The following DPF2 variants were observed in gnomAD, a reference collection of about 807,000 sequenced individuals.
The protein encoded by DPF2 is zinc finger protein ubi-d4.
A neutral mutation model predicts 59.6 loss-of-function variants in DPF2; 10 were observed. The ratio of observed to expected loss-of-function variants is 0.17; its 90% CI spans 0.10 to 0.28. The LOEUF (loss-of-function observed/expected upper bound fraction) is 0.28, where lower values mean the gene tolerates loss of function less well. Ranked by LOEUF, DPF2 falls within the 10% of genes least tolerant of loss-of-function variation. The pLI is 1.00. For missense variants in DPF2, 315 were observed against 509.4 expected (o/e 0.62, Z 3.67); for synonymous variants, 189 against 190.6 (o/e 0.99, Z 0.07).
chr11:65,350,171 G>A (rs1854651427), intron 10 of DPF2, among the ~76,000 whole-genome samples: 1 of 152,110 alleles, frequency 6.6e-6, no homozygotes, highest in African/African-American at 2.4e-5. Context: ...GGGACATCGA[G>A]GTAGTGGAGA....
At chr11:65,339,450 A>T (rs1004682196) in intron 1 of DPF2, among the ~76,000 whole-genome samples, 1 of 152,180 alleles carries the variant, frequency 6.6e-6, no homozygotes, top group Non-Finnish European at 1.5e-5. Context: ...GAGTCTTTTG[A>T]GACCAAGAAG....
At chr11:65,345,562 G>A (rs1854503222) in intron 6 of DPF2, 104 bp from the exon 7 acceptor site, 5 of 1,506,644 alleles carry the variant, frequency 3.3e-6, no homozygotes, top group Non-Finnish European at 4.5e-6. Context: ...TAGGGGAAGG[G>A]ATGGTTGCCC....
chr11:65,337,488 TATATATATATATATATAG>T (rs1288472944), intron 1 of DPF2, among the ~76,000 whole-genome samples: 1 of 62,032 alleles, frequency 1.6e-5, no homozygotes, highest in South Asian at 6.2e-4. Flanking sequence ...TATATATATA[TATATATATATATATATAG>T]AGAGAGAGAG....
chr11:65,345,509 G>A, intron 6 of DPF2, 157 bp from the exon 7 acceptor site: 1 of 1,019,696 alleles, frequency 9.8e-7, no homozygotes. Flanking sequence ...CCTGGCTGAG[G>A]GGAAGTGGCC....
intron 1 of DPF2, among the ~76,000 whole-genome samples, chr11:65,338,280 G>C (rs1854265342): frequency 6.6e-6 from 1 of 152,120 alleles, no homozygotes; most frequent in African/African-American, 2.4e-5. Context: ...CTGTCATGCT[G>C]TCTTGTTCTC....
intron 10 of DPF2, among the ~76,000 whole-genome samples, chr11:65,349,285 T>C (rs1854624858): frequency 6.6e-6 from 1 of 152,184 alleles, no homozygotes; most frequent in Non-Finnish European, 1.5e-5. Flanking sequence ...ATTTGATAGA[T>C]TTGAGCATTT....
At chr11:65,348,744 CTGT>C in intron 9 of DPF2, 103 bp from the exon 10 acceptor site, 1 of 1,039,054 alleles carries the variant, frequency 9.6e-7, no homozygotes, top group Non-Finnish European at 1.5e-6. Context: ...ATTCTCACAT[CTGT>C]TCTTACCTGC....
In DPF2 at chr11:65,353,918, C is replaced by T. The variant is rs976378696; in HGVS notation, c.*2159C>T. 1.3e-5 allele frequency among the ~76,000 whole-genome samples: 2 copies of T among 152,028 alleles called. No individual in the cohort carries two copies. The highest frequency in any genetic ancestry group is 4.1e-4 in the South Asian group (2 of 4,832). On this transcript the variant is annotated 3_prime_UTR_variant, in exon 11 of 11. Coordinates refer to ENST00000528416, the MANE Select transcript of DPF2 (RefSeq NM_006268.5). ...GATGCGCTTTGGCAGCTGAGTAGTC[C>T]GAGAGCCAGAAAAGAAATGTGGAAA... is the stretch of plus-strand genomic sequence containing the variant.
intron 1 of DPF2, among the ~76,000 whole-genome samples, chr11:65,337,452 C>CAAAAAAAAA (rs750931920): frequency 7.4e-5 from 1 of 13,534 alleles, no homozygotes; most frequent in African/African-American, 2.9e-4. Flanking sequence ...GACTCTATCT[C>CAAAAAAAAA]AAAAAAAAAA....
intron 9 of DPF2, 65 bp from the exon 10 acceptor site, chr11:65,348,785 T>C: frequency 5.2e-6 from 8 of 1,537,638 alleles, no homozygotes; most frequent in Non-Finnish European, 7.2e-6. Context: ...AATAGCAGTG[T>C]CCTGTAGTGG....
chr11:65,344,649 G>A (rs1306294357), intron 6 of DPF2: 2 of 1,534,798 alleles, frequency 1.3e-6, no homozygotes, highest in African/African-American at 1.4e-5. Context: ...TCAGACTTGT[G>A]GTTTTCCTTT....
Position 65,351,909 on chromosome 11 carries a change from G to A in DPF2, c.*150G>A. 1 of 836,774 alleles carries A rather than the reference G, an allele frequency of 1.2e-6. No individual in the cohort carries two copies. The highest frequency in any genetic ancestry group is 1.9e-6 in the Non-Finnish European group (1 of 533,318). 51.8% of individuals were successfully genotyped at this position (836,774 alleles called of 1,614,324 possible). On this transcript the variant is annotated 3_prime_UTR_variant, in exon 11 of 11. Coordinates refer to ENST00000528416, the MANE Select transcript of DPF2 (RefSeq NM_006268.5). ...GCCAGCCTGCCTTTGGCAGCTGCAA[G>A]CTGAGGTGGCAGCTCTGACCACCTC...
chr11:65,339,675 C>G (rs1162765488), intron 1 of DPF2, among the ~76,000 whole-genome samples: 1 of 152,162 alleles, frequency 6.6e-6, no homozygotes, highest in Non-Finnish European at 1.5e-5. Flanking sequence ...AAGGAAGTGG[C>G]CTAGTCACCC....
chr11:65,343,860 G>C, intron 5 of DPF2, 23 bp downstream of exon 5: 1 of 1,582,908 alleles, frequency 6.3e-7, no homozygotes, highest in African/African-American at 1.3e-5. Context: ...CGTGCTGCCT[G>C]CATCTTGGGA....
Position 65,337,508 on chromosome 11 carries a change from G to T in DPF2, c.33-2877G>T, listed in dbSNP as rs1041600171. ...ATATATATATATATATATATATAGAGAGAGAGAGAGAGAGAGAGAGAGAGA... is the reference window on the plus strand; with the variant it reads ...ATATATATATATATATATATATAGATAGAGAGAGAGAGAGAGAGAGAGAGA... On this transcript the variant is annotated intron_variant, in intron 1 of 10. Coordinates refer to ENST00000528416, the MANE Select transcript of DPF2 (RefSeq NM_006268.5). Among the ~76,000 whole-genome samples, 314 of 72,954 alleles carry T rather than the reference G, an allele frequency of 4.3e-3. 1 individual carries two copies. The highest frequency in any genetic ancestry group is 6.6e-3 in the African/African-American group (106 of 16,074). 47.9% of individuals were successfully genotyped at this position (72,954 alleles called of 152,430 possible).
Position 65,333,854 on chromosome 11 carries a change from G to A in DPF2, c.-33G>A, listed in dbSNP as rs763138623. 1.7e-5 allele frequency: 28 copies of A among 1,613,360 alleles called. No individual in the cohort carries two copies. Among genetic ancestry groups the A allele is most frequent in the Non-Finnish European group, 2.3e-5 (27 of 1,179,838 alleles). On this transcript the variant is annotated 5_prime_UTR_variant, in exon 1 of 11. Transcript: ENST00000528416. ...GGCGCCTGCGCGCTGCGGACTGTGGGGCTTCTCGGCCCGAGGCAGAGGAAC... is the reference window on the plus strand; with the variant it reads ...GGCGCCTGCGCGCTGCGGACTGTGGAGCTTCTCGGCCCGAGGCAGAGGAAC...
intron 9 of DPF2, chr11:65,347,566 T>A (rs1428271945): frequency 1.3e-5 from 2 of 152,174 alleles, no homozygotes; most frequent in East Asian, 3.9e-4. Flanking sequence ...ACTCCTGAGC[T>A]CAAGCAGTCC....
In DPF2 at chr11:65,352,960, A is replaced by G. The variant is rs1327395317; in HGVS notation, c.*1201A>G. 6.6e-6 allele frequency: 1 copy of G among 151,994 alleles called. No individual in the cohort carries two copies. Among genetic ancestry groups the G allele is most frequent in the Non-Finnish European group, 1.5e-5 (1 of 68,016 alleles). The allele number at this position is 151,994 out of a possible 1,614,324, so 9.4% of individuals were successfully genotyped here. A position where few individuals can be genotyped will look rare whatever the true frequency, so the allele number is the denominator to read the frequency against. On this transcript the variant is annotated 3_prime_UTR_variant, in exon 11 of 11. Coordinates refer to ENST00000528416, the MANE Select transcript of DPF2 (RefSeq NM_006268.5). ...GTTCCTGTATTCTAAACATTAGTAA[A>G]AATAAATGTTTTTACACAGAGCCCT...
rs548071984 is a variant in DPF2 at position 65,343,371 on chromosome 11, A to G, written c.466-374A>G. 9 of 188,844 alleles carry G rather than the reference A, an allele frequency of 4.8e-5. No individual in the cohort carries two copies. In the South Asian group the frequency reaches 9.2e-4, roughly 19 times the overall value. 11.7% of individuals were successfully genotyped at this position (188,844 alleles called of 1,614,324 possible). ...AAGCAACAACATTTTAATTTAAACTAGGAGGCGAGTGTCAGGACAGAACCA... is the reference window on the plus strand; with the variant it reads ...AAGCAACAACATTTTAATTTAAACTGGGAGGCGAGTGTCAGGACAGAACCA... On this transcript the variant is annotated intron_variant, in intron 4 of 10. Coordinates refer to ENST00000528416, the MANE Select transcript of DPF2 (RefSeq NM_006268.5).
Sources: gnomAD v4.1 joint callset for allele counts (sites outside exome capture counted in the v4.1 genomes callset) on GRCh38, gnomAD v4.1.1 for gene constraint, MANE v1.5 for transcripts, NCBI Gene and HGNC (gene_info 2026-07-23, HGNC 2026-07-21) for gene names.